Variants in UNC80 observed in about 807,000 individuals in gnomAD.
UNC80 encodes protein unc-80 homolog.
In UNC80, 164 loss-of-function variants were observed where a neutral mutation model predicts 384.6. The ratio of observed to expected loss-of-function variants is 0.43; its 90% CI spans 0.38 to 0.49. The LOEUF is 0.49. Ranked by LOEUF, UNC80 falls within the 20% of genes least tolerant of loss-of-function variation. The probability of loss-of-function intolerance (pLI) is 0.00; values close to 1 mark genes in which losing one functional copy is unlikely to be tolerated. For synonymous variants in UNC80, 1,486 were observed against 1,527.8 expected (o/e 0.97, Z 0.64); for missense variants, 3,330 against 4,143.0 (o/e 0.80, Z 5.39).
chr2:209,859,715 A>G (rs1181893951), intron 22 of UNC80, among the ~76,000 whole-genome samples: 3 of 152,058 alleles, frequency 2.0e-5, no homozygotes, highest in Non-Finnish European at 2.9e-5. Context: ...CTTTTTAATA[A>G]TCTCCACTCT....
At position 209,926,603 on chromosome 2, in the gene UNC80, C is replaced by A. The variant is rs114109799; in HGVS notation, c.5663-240C>A. Among the ~76,000 whole-genome samples the A allele has an allele frequency of 1.8e-3, 278 of 152,182 alleles. 1 individual carries two copies. Among genetic ancestry groups the A allele is most frequent in the African/African-American group, 6.5e-3 (270 of 41,526 alleles). Reference sequence around the variant, plus strand: ...ACCGACTGGGGCAACACAGTGAGGACTCATCCTACAAAAAATAAAAAAATT... The same window carrying A: ...ACCGACTGGGGCAACACAGTGAGGAATCATCCTACAAAAAATAAAAAAATT... On this transcript the variant is annotated intron_variant, in intron 35 of 64. Transcript: ENST00000673920.
chr2:209,836,653 A>T (rs1219301909), intron 18 of UNC80, among the ~76,000 whole-genome samples: 1 of 152,148 alleles, frequency 6.6e-6, no homozygotes, highest in East Asian at 1.9e-4. Flanking sequence ...TCATGATCCC[A>T]ATAGGCCTAG....
At chr2:209,932,287 C>T (rs1334057198) in intron 38 of UNC80, among the ~76,000 whole-genome samples, 4 of 152,124 alleles carry the variant, frequency 2.6e-5, no homozygotes, top group Non-Finnish European at 4.4e-5. Flanking sequence ...AGCCTATGGC[C>T]GTTCTATCTG....
chr2:209,891,485 A>T (rs1340719976), intron 26 of UNC80, among the ~76,000 whole-genome samples: 1 of 152,096 alleles, frequency 6.6e-6, no homozygotes, highest in Non-Finnish European at 1.5e-5. Flanking sequence ...ATTATATTTA[A>T]GATAGTAGAT....
In UNC80 at chr2:209,941,251, T is replaced by C; in HGVS notation, c.6677T>C (p.Leu2226Pro). 6.5e-7 allele frequency: 1 copy of C among 1,534,080 alleles called. No homozygotes were observed. Among genetic ancestry groups the C allele is most frequent in the Non-Finnish European group, 8.8e-7 (1 of 1,133,460 alleles). ...AAGGAACTGTTTGGCCTCGACACTC[T>C]TCAGAAAAGCTTGTGGATCCAGCTG... ...AGKELFGLDT[L>P]QKSLWIQLLE... The change falls in exon 44 of 65, where the codon CTT (leucine) becomes CCT (proline). Residue 2226 changes from leucine (L) to proline (P), a missense_variant. By Grantham distance (98) the Leu-to-Pro change is moderately conservative. Around this residue, in one of 8 missense-constraint regions of UNC80, gnomAD observed 1,049 missense variants for 1,488.6 expected, o/e 0.70. Transcript: ENST00000673920.
Position 209,886,132 on chromosome 2 carries a change from C to T in UNC80, c.4111-1963C>T, listed in dbSNP as rs919771054. Among the ~76,000 whole-genome samples the T allele has an allele frequency of 1.1e-4, 16 of 151,752 alleles. No individual in the cohort carries two copies. The South Asian group carries it at 1.9e-3, about 18-fold the overall frequency. Reference sequence around the variant, plus strand: ...ATCTTGGTGCAAACTTTTTAAAAATCTTTTAAAAAATTACAAAATATTTTT... The same window carrying T: ...ATCTTGGTGCAAACTTTTTAAAAATTTTTTAAAAAATTACAAAATATTTTT... On this transcript the variant is annotated intron_variant, in intron 25 of 64. Coordinates refer to ENST00000673920, the MANE Select transcript of UNC80 (RefSeq NM_001371986.1).
Position 209,815,008 on chromosome 2 carries a change from A to C in UNC80, c.1201-249A>C, listed in dbSNP as rs188129386. Among the ~76,000 whole-genome samples the C allele has an allele frequency of 4.5e-4, 68 of 152,176 alleles. No individual in the cohort carries two copies. In the East Asian group the frequency reaches 0.013, roughly 29 times the overall value. On this transcript the variant is annotated intron_variant, in intron 8 of 64. Transcript: ENST00000673920. ...AAAAAGAGAGATCCATCTTCTCTCTATTTTCTTAGCATTCTAAATCTGGGG... is the reference window on the plus strand; with the variant it reads ...AAAAAGAGAGATCCATCTTCTCTCTCTTTTCTTAGCATTCTAAATCTGGGG...
intron 28 of UNC80, among the ~76,000 whole-genome samples, chr2:209,899,625 T>C (rs2124923124): frequency 6.6e-6 from 1 of 152,284 alleles, no homozygotes; most frequent in East Asian, 1.9e-4. Flanking sequence ...ACTTGGACTA[T>C]TTCTAGCCTG....
rs1354905533 is a variant in UNC80 at position 209,998,356 on chromosome 2, T to G, written c.*2761T>G. On this transcript the variant is annotated 3_prime_UTR_variant, in exon 65 of 65. Transcript: ENST00000673920. Reference sequence around the variant, plus strand: ...AATTCTATTAGATAAGCTATGTCATTTTTCTGAAAAAGAAACTGAGTTATT... The same window carrying G: ...AATTCTATTAGATAAGCTATGTCATGTTTCTGAAAAAGAAACTGAGTTATT... 1 of 152,218 alleles carries G rather than the reference T, an allele frequency of 6.6e-6. No individual in the cohort carries two copies. The highest frequency in any genetic ancestry group is 2.4e-5 in the African/African-American group (1 of 41,464). The allele number at this position is 152,218 out of a possible 1,614,324, so 9.4% of individuals were successfully genotyped here.
At chr2:209,774,204 G>A (rs571751271) in intron 2 of UNC80, among the ~76,000 whole-genome samples, 7 of 152,294 alleles carry the variant, frequency 4.6e-5, no homozygotes, top group East Asian at 1.9e-4. Context: ...GCCCACTCAC[G>A]TAGGAATTTG....
intron 47 of UNC80, among the ~76,000 whole-genome samples, chr2:209,953,416 C>T (rs1346713957): frequency 2.4e-5 from 1 of 42,440 alleles, no homozygotes. Flanking sequence ...AAGACTCTGT[C>T]AAAAAAAAAA....
chr2:209,837,290 A>G (rs1238416414), intron 18 of UNC80, among the ~76,000 whole-genome samples: 2 of 152,216 alleles, frequency 1.3e-5, no homozygotes, highest in African/African-American at 4.8e-5. Context: ...TTCATCAAAT[A>G]TTATGTATTT....
chr2:209,892,111 T>C (rs1027065300), intron 26 of UNC80, among the ~76,000 whole-genome samples: 1 of 152,168 alleles, frequency 6.6e-6, no homozygotes, highest in African/African-American at 2.4e-5. Flanking sequence ...AAATGTGATA[T>C]AAGGTGTGTA....
At chr2:209,985,039 C>T (rs2093256341) in intron 61 of UNC80, 127 bp downstream of exon 61, 2 of 790,278 alleles carry the variant, frequency 2.5e-6, no homozygotes, top group African/African-American at 1.8e-5. Flanking sequence ...CATTCCTTGC[C>T]CTTTGTTGTT....
chr2:209,824,941 T>C (rs752753362), intron 13 of UNC80, among the ~76,000 whole-genome samples: 1 of 152,206 alleles, frequency 6.6e-6, no homozygotes, highest in Non-Finnish European at 1.5e-5. Flanking sequence ...TAATTTGCTC[T>C]GCATAGTAAA....
At chr2:209,808,767 T>TTCTGCGCTACTCAGCGACCTCGATGCC in intron 7 of UNC80, 1 of 59,214 alleles carries the variant, frequency 1.7e-5, no homozygotes, top group Non-Finnish European at 2.9e-5. Context: ...CCTGCGCTAC[T>TTCTGCGCTACTCAGCGACCTCGATGCC]TCTGCGCTAC....
intron 33 of UNC80, among the ~76,000 whole-genome samples, chr2:209,920,833 T>C (rs369423031): frequency 6.0e-5 from 9 of 150,148 alleles, no homozygotes; most frequent in South Asian, 2.1e-4. Flanking sequence ...TGTTCTTCTT[T>C]TTTTTTTTTT....
chr2:209,943,243 C>A lies in UNC80; in HGVS notation c.6916-137C>A, dbSNP rs558874518. On this transcript the variant is annotated intron_variant, in intron 44 of 64. Coordinates refer to ENST00000673920, the MANE Select transcript of UNC80 (RefSeq NM_001371986.1). ...TAAATTTATCTAGAGAAAGTTTATG[C>A]CATTTTACATTCCTCTCTACCAGTT... 6 of 1,088,790 alleles carry A rather than the reference C, an allele frequency of 5.5e-6. No homozygotes were observed. The African/African-American group carries it at 6.3e-5, about 12-fold the overall frequency. 67.4% of individuals were successfully genotyped at this position (1,088,790 alleles called of 1,614,324 possible).
chr2:209,914,799 A>G (rs1447678033), intron 31 of UNC80, among the ~76,000 whole-genome samples: 6 of 152,056 alleles, frequency 3.9e-5, no homozygotes, highest in African/African-American at 1.2e-4. Flanking sequence ...TATATCTAGA[A>G]GACTGTTTTT....
Sources: allele counts gnomAD v4.1 joint callset (sites outside exome capture counted in the v4.1 genomes callset), GRCh38; gene constraint gnomAD v4.1.1; regional missense constraint gnomAD v4.1.1; transcripts MANE v1.5; gene names NCBI Gene and HGNC (gene_info 2026-07-23, HGNC 2026-07-21).